The following SULT1C2 variants were observed in gnomAD, a reference collection of about 807,000 sequenced individuals.
The protein encoded by SULT1C2 is sulfotransferase family 1C member 2.
Under a neutral mutation model 36.0 loss-of-function variants are expected in SULT1C2, and 27 were observed. The ratio of observed to expected loss-of-function variants is 0.75; its 90% CI spans 0.55 to 1.03. SULT1C2 has a LOEUF of 1.03. Among genes scored for constraint, SULT1C2 ranks in the 50% least tolerant of loss-of-function variants. SULT1C2 has a pLI of 0.00. For synonymous variants in SULT1C2, 121 were observed against 116.0 expected (o/e 1.04, Z -0.27); for missense variants, 395 against 359.2 (o/e 1.10, Z -0.80).
chr2:108,308,678 AGATAT>A lies in SULT1C2; in HGVS notation c.*215_*219del, dbSNP rs1194714340. 1 of 500,470 alleles carries A rather than the reference AGATAT, an allele frequency of 2.0e-6. No homozygotes were observed. The highest frequency in any genetic ancestry group is 3.5e-6 in the Non-Finnish European group (1 of 286,570). The allele number at this position is 500,470 out of a possible 1,614,324, so 31.0% of individuals were successfully genotyped here. ...TTTCCCAACTATTCTTTCCAAAGTAAGATATAAGGTAGCTTAATAAACTAAGTAAA... is the reference window on the plus strand; with the variant it reads ...TTTCCCAACTATTCTTTCCAAAGTAAAAGGTAGCTTAATAAACTAAGTAAA... On this transcript the variant is annotated 3_prime_UTR_variant, in exon 8 of 8. Coordinates refer to ENST00000251481, the MANE Select transcript of SULT1C2 (RefSeq NM_001056.4).
intron 3 of SULT1C2, chr2:108,298,775 T>C: frequency 4.4e-6 from 1 of 225,826 alleles, no homozygotes. Flanking sequence ...CCTGTTTTTT[T>C]TCTAGCTCTT....
At chr2:108,293,262 G>A (rs956640034) in intron 1 of SULT1C2, among the ~76,000 whole-genome samples, 8 of 150,690 alleles carry the variant, frequency 5.3e-5, no homozygotes, top group South Asian at 2.1e-4. Context: ...GCTACAACAC[G>A]GATGAGCCTT....
chr2:108,290,221 C>A (rs1463158596), intron 1 of SULT1C2, among the ~76,000 whole-genome samples: 1 of 152,168 alleles, frequency 6.6e-6, no homozygotes, highest in African/African-American at 2.4e-5. Flanking sequence ...CTATGGAGGA[C>A]CTTCTCACTG....
chr2:108,306,428 G>C (rs922785431), intron 7 of SULT1C2, among the ~76,000 whole-genome samples: 7 of 121,260 alleles, frequency 5.8e-5, no homozygotes, highest in African/African-American at 2.5e-4. Context: ...AACACAGCAA[G>C]ACCCCATCTC....
intron 1 of SULT1C2, among the ~76,000 whole-genome samples, chr2:108,290,442 G>A (rs1408544694): frequency 6.6e-6 from 1 of 152,150 alleles, no homozygotes; most frequent in Non-Finnish European, 1.5e-5. Context: ...AACTTAGAGA[G>A]ACACAATTCA....
chr2:108,301,031 C>A, intron 4 of SULT1C2, 96 bp downstream of exon 4: 2 of 1,477,948 alleles, frequency 1.4e-6, no homozygotes, highest in Non-Finnish European at 1.8e-6. Context: ...ATCACCTTTG[C>A]CTCTCCACTG....
chr2:108,292,682 T>G (rs1434953401), intron 1 of SULT1C2, among the ~76,000 whole-genome samples: 2 of 152,168 alleles, frequency 1.3e-5, no homozygotes, highest in African/African-American at 4.8e-5. Context: ...TGTAAAAATG[T>G]AAAATGGTGC....
At chr2:108,298,318 C>T (rs1237102762) in intron 3 of SULT1C2, among the ~76,000 whole-genome samples, 2 of 152,164 alleles carry the variant, frequency 1.3e-5, no homozygotes, top group Admixed American at 6.5e-5. Context: ...TAAATCTTCC[C>T]AGTCTTTTTA....
Position 108,300,648 on chromosome 2 carries a change from AGGAC to A in SULT1C2, c.278-189_278-186del. ...GTAAATTAACTCTAAGGCCCCATCCAGGACTCAAGCTGTGTGATTTTACAAAAAT... is the reference window on the plus strand; with the variant it reads ...GTAAATTAACTCTAAGGCCCCATCCATCAAGCTGTGTGATTTTACAAAAAT... On this transcript the variant is annotated intron_variant, in intron 3 of 7. Coordinates refer to ENST00000251481, the MANE Select transcript of SULT1C2 (RefSeq NM_001056.4). 4 of 934,418 alleles carry A rather than the reference AGGAC, an allele frequency of 4.3e-6. No homozygotes were observed. The East Asian group carries it at 1.1e-4, about 27-fold the overall frequency. The allele number at this position is 934,418 out of a possible 1,614,324, so 57.9% of individuals were successfully genotyped here.
At position 108,305,168 on chromosome 2, in the gene SULT1C2, T is replaced by G; in HGVS notation, c.503-4T>G. 6.2e-7 allele frequency: 1 copy of G among 1,614,218 alleles called. No individual in the cohort carries two copies. Among genetic ancestry groups the G allele is most frequent in the Non-Finnish European group, 8.5e-7 (1 of 1,180,012 alleles). ...GACTATTCTGTTTCCTGTGTCTATT[T>G]CAGTGGTTTGGGGTTCCTGGTTTGA... On this transcript the variant is annotated splice_polypyrimidine_tract_variant and splice_region_variant and intron_variant, in intron 5 of 7. Coordinates refer to ENST00000251481, the MANE Select transcript of SULT1C2 (RefSeq NM_001056.4).
At chr2:108,298,649 C>G (rs920783148) in intron 3 of SULT1C2, 6 of 387,128 alleles carry the variant, frequency 1.5e-5, no homozygotes, top group African/African-American at 1.1e-4. Flanking sequence ...CCCAAAGTGC[C>G]AAGATTACAG....
At chr2:108,296,053 C>T (rs190250185) in intron 3 of SULT1C2, among the ~76,000 whole-genome samples, 1 of 151,950 alleles carries the variant, frequency 6.6e-6, no homozygotes, top group Non-Finnish European at 1.5e-5. Context: ...GCCTTCCAAG[C>T]CACTGGGATC....
At chr2:108,300,790 A>G (rs1484421728) in intron 3 of SULT1C2, 48 bp from the exon 4 acceptor site, 1 of 1,612,756 alleles carries the variant, frequency 6.2e-7, no homozygotes, top group Non-Finnish European at 8.5e-7. Flanking sequence ...TGAGGTCCCC[A>G]TGTAGTGCTT....
At chr2:108,290,645 A>G (rs1259826886) in intron 1 of SULT1C2, among the ~76,000 whole-genome samples, 4 of 152,184 alleles carry the variant, frequency 2.6e-5, no homozygotes, top group African/African-American at 9.7e-5. Flanking sequence ...AAGAAATAGA[A>G]AGGCAAGCAG....
At chr2:108,297,248 C>A (rs78019919) in intron 3 of SULT1C2, among the ~76,000 whole-genome samples, 5,413 of 152,186 alleles carry the variant, frequency 0.036, 109 homozygotes, top group Middle Eastern at 0.082. Flanking sequence ...GCATGGAGGG[C>A]TACTGGCAGG....
chr2:108,300,689 T>G (rs1216293907), intron 3 of SULT1C2, 149 bp from the exon 4 acceptor site: 1 of 1,306,378 alleles, frequency 7.7e-7, no homozygotes, highest in East Asian at 2.7e-5. Flanking sequence ...AAAATTATAT[T>G]AATAATCCCA....
At chr2:108,299,195 T>A (rs542494659) in intron 3 of SULT1C2, 1 of 152,360 alleles carries the variant, frequency 6.6e-6, no homozygotes, top group South Asian at 2.1e-4. Context: ...GAGCACTGGG[T>A]GTCCAGAGGG....
chr2:108,292,392 CAACACA>C (rs1194222673), intron 1 of SULT1C2, among the ~76,000 whole-genome samples: 4 of 106,336 alleles, frequency 3.8e-5, no homozygotes, highest in Non-Finnish European at 5.5e-5. Flanking sequence ...ACAACAATGA[CAACACA>C]CACACACACA....
chr2:108,300,289 A>C (rs1301739460), intron 3 of SULT1C2: 1 of 152,480 alleles, frequency 6.6e-6, no homozygotes, highest in African/African-American at 2.4e-5. Context: ...GAGGCAGGAG[A>C]ACTGCTTGAA....
Sources: allele counts gnomAD v4.1 joint callset (sites outside exome capture counted in the v4.1 genomes callset), GRCh38; gene constraint gnomAD v4.1.1; transcripts MANE v1.5; gene names NCBI Gene and HGNC (gene_info 2026-07-23, HGNC 2026-07-21).